The following PCDHGA4 variants were observed in gnomAD, a reference collection of about 807,000 sequenced individuals.
PCDHGA4 encodes the protein protocadherin gamma subfamily A, 4, also known as protocadherin gamma-A4.
In PCDHGA4, 38 loss-of-function variants were observed where a neutral mutation model predicts 54.6. The observed-to-expected ratio is 0.70, with a 90% CI of 0.54 to 0.91. The LOEUF (loss-of-function observed/expected upper bound fraction) is 0.91, where lower values mean the gene tolerates loss of function less well. Among genes scored for constraint, PCDHGA4 ranks in the 40% least tolerant of loss-of-function variants. The pLI is 0.00. For missense variants in PCDHGA4, 1,298 were observed against 1,220.9 expected, an observed-to-expected ratio of 1.06 and a Z score of -0.94; for synonymous variants, 511 against 512.9, an observed-to-expected ratio of 1.00 and a Z score of 0.05.
chr5:141,398,942 G>C (rs748252181), intron 1 of PCDHGA4: 1 of 1,613,766 alleles, frequency 6.2e-7, no homozygotes, highest in Non-Finnish European at 8.5e-7. Context: ...CAAGACGAGG[G>C]CATCAACTCA....
chr5:141,460,278 G>C (rs1380767218), intron 1 of PCDHGA4, among the ~76,000 whole-genome samples: 1 of 151,964 alleles, frequency 6.6e-6, no homozygotes, highest in African/African-American at 2.4e-5. Context: ...TTCTTTTATA[G>C]TTTGTATTTC....
chr5:141,431,256 C>T lies in PCDHGA4; in HGVS notation c.2515-63551C>T. The stretch of plus-strand genomic sequence containing the variant: ...TGGGATCCGGATATCGGGAAGAACT[C>T]TCTGCAGAGCTACGAGCTCAGCCCG... On this transcript the variant is annotated intron_variant, in intron 1 of 3. Transcript: ENST00000571252. This position sits in a 1 kb window ranked among gnomAD's most constrained non-coding sequence, Gnocchi z 4.8. The T allele has an allele frequency of 6.2e-7, 1 of 1,614,194 alleles. No homozygotes were observed. Among genetic ancestry groups the T allele is most frequent in the South Asian group, 1.1e-5 (1 of 91,088 alleles).
intron 1 of PCDHGA4, chr5:141,410,203 C>T: frequency 1.9e-6 from 3 of 1,614,022 alleles, no homozygotes; most frequent in Non-Finnish European, 2.5e-6. Flanking sequence ...TCGCAGACAA[C>T]TTGCAAGAGA....
chr5:141,418,360 G>T (rs544948410), intron 1 of PCDHGA4: 4 of 1,613,990 alleles, frequency 2.5e-6, no homozygotes, highest in Non-Finnish European at 3.4e-6. Flanking sequence ...TGAATTCGCT[G>T]AGCAAATACC....
chr5:141,383,949 G>A (rs538018556), intron 1 of PCDHGA4: 18 of 1,613,702 alleles, frequency 1.1e-5, no homozygotes, highest in Non-Finnish European at 1.3e-5. Flanking sequence ...TGACTATGAC[G>A]TCTTTAAGTA....
chr5:141,372,173 G>T, intron 1 of PCDHGA4: 1 of 1,613,722 alleles, frequency 6.2e-7, no homozygotes, highest in Non-Finnish European at 8.5e-7. Context: ...AGGTGGTGGC[G>T]GTGGACGCAG....
chr5:141,502,577 A>G (rs1260539435), intron 2 of PCDHGA4, among the ~76,000 whole-genome samples: 2 of 152,192 alleles, frequency 1.3e-5, no homozygotes, highest in African/African-American at 4.8e-5. Context: ...TTATAAAAAT[A>G]TATTTTTATA....
chr5:141,360,756 A>C lies in PCDHGA4; in HGVS notation c.2514+3135A>C, dbSNP rs377534214. 274 of 1,614,010 alleles carry C rather than the reference A, an allele frequency of 1.7e-4. No individual in the cohort carries two copies. Among genetic ancestry groups the C allele is most frequent in the Non-Finnish European group, 2.2e-4 (262 of 1,179,904 alleles). On this transcript the variant is annotated intron_variant, in intron 1 of 3. Coordinates refer to ENST00000571252, the MANE Select transcript of PCDHGA4 (RefSeq NM_018917.4). ...CTCTGGACAGAGAAGAGCACAGTTT[A>C]CATCAATTGGTCCTCACAGCTGTGG...
At chr5:141,427,765 T>C (rs1331334394) in intron 1 of PCDHGA4, 3 of 1,387,170 alleles carry the variant, frequency 2.2e-6, no homozygotes, top group Non-Finnish European at 2.0e-6. Context: ...ACCACTGACT[T>C]GGAGCTGCGG....
rs189127761 is a variant in PCDHGA4 at position 141,385,037 on chromosome 5, C to A, written c.2514+27416C>A. Reference sequence around the variant, plus strand: ...CTAGCCTTCGTCCTCGTACTGCTGGCGCTCAGGCTGCGGCGCTGGCACAAG... The same window carrying A: ...CTAGCCTTCGTCCTCGTACTGCTGGAGCTCAGGCTGCGGCGCTGGCACAAG... On this transcript the variant is annotated intron_variant, in intron 1 of 3. Transcript: ENST00000571252. The A allele has an allele frequency of 5.8e-5, 93 of 1,614,148 alleles. No individual in the cohort carries two copies. In the East Asian group the frequency reaches 1.7e-3, roughly 30 times the overall value.
In PCDHGA4 at chr5:141,404,506, C is replaced by T. The variant is rs530963064; in HGVS notation, c.2514+46885C>T. The stretch of plus-strand genomic sequence containing the variant: ...ACACTGGTGTGCTGTATGCTCTGTG[C>T]TCCTTTGACTATGAGCAGTTTAGAG... On this transcript the variant is annotated intron_variant, in intron 1 of 3. Coordinates refer to ENST00000571252, the MANE Select transcript of PCDHGA4 (RefSeq NM_018917.4). 540 of 1,613,932 alleles carry T rather than the reference C, an allele frequency of 3.3e-4. 6 individuals are homozygous for T. In the South Asian group the frequency reaches 5.6e-3, roughly 17 times the overall value.
At chr5:141,505,143 CAG>C (rs1332770308) in intron 2 of PCDHGA4, among the ~76,000 whole-genome samples, 1 of 152,172 alleles carries the variant, frequency 6.6e-6, no homozygotes, top group Non-Finnish European at 1.5e-5. Context: ...GCCTGGATGA[CAG>C]AGTAAGACCC....
intron 2 of PCDHGA4, among the ~76,000 whole-genome samples, chr5:141,502,944 A>G (rs1447378539): frequency 1.4e-5 from 2 of 145,406 alleles, no homozygotes; most frequent in Non-Finnish European, 1.5e-5. Context: ...CCTGGGTTCA[A>G]GCGATTCTCC....
At chr5:141,408,847 G>A in intron 1 of PCDHGA4, 1 of 1,613,498 alleles carries the variant, frequency 6.2e-7, no homozygotes, top group African/African-American at 1.3e-5. Flanking sequence ...TGACTGCCTT[G>A]GACGGAGGGG....
rs1330469043 is a variant in PCDHGA4 at position 141,491,537 on chromosome 5, C to A, written c.2515-3270C>A. On this transcript the variant is annotated intron_variant, in intron 1 of 3. Transcript: ENST00000571252. This position sits in a 1 kb window ranked among gnomAD's most constrained non-coding sequence, Gnocchi z 6.9. ...AAGTACATGGAGGTGACGCTGCGGCCCACAGACTCGCAGAGCCACTGCTAC... is the reference window on the plus strand; with the variant it reads ...AAGTACATGGAGGTGACGCTGCGGCACACAGACTCGCAGAGCCACTGCTAC... The A allele has an allele frequency of 6.2e-7, 1 of 1,613,908 alleles. No homozygotes were observed. Among genetic ancestry groups the A allele is most frequent in the African/African-American group, 1.3e-5 (1 of 74,920 alleles).
In PCDHGA4 at chr5:141,430,969, TAGGACGCA is replaced by T. The variant is rs775497521; in HGVS notation, c.2515-63837_2515-63830del. The T allele has an allele frequency of 7.3e-5, 118 of 1,613,012 alleles. 1 individual carries two copies. The Middle Eastern group carries it at 1.8e-3, about 25-fold the overall frequency. On this transcript the variant is annotated intron_variant, in intron 1 of 3. Transcript: ENST00000571252. ...GCGGAGTCCGCATCATCCCCAGAGG[TAGGACGCA>T]GCTTTTCGCCCTGAATCCGCGCAGC...
At chr5:141,407,243 C>G (rs1191688729) in intron 1 of PCDHGA4, among the ~76,000 whole-genome samples, 1 of 152,168 alleles carries the variant, frequency 6.6e-6, no homozygotes, top group African/African-American at 2.4e-5. Context: ...AAGCATACTT[C>G]AGGCTCATAT....
At chr5:141,386,663 G>A (rs532080624) in intron 1 of PCDHGA4, among the ~76,000 whole-genome samples, 7 of 151,932 alleles carry the variant, frequency 4.6e-5, no homozygotes, top group Non-Finnish European at 1.0e-4. Flanking sequence ...GTTCTGCAGT[G>A]TTCACATTTC....
chr5:141,383,083 C>G, intron 1 of PCDHGA4: 1 of 1,613,852 alleles, frequency 6.2e-7, no homozygotes. Flanking sequence ...GCTGGCGGAG[C>G]GCGGAGTCCG....
Sources: gnomAD v4.1 joint callset for allele counts (sites outside exome capture counted in the v4.1 genomes callset) on GRCh38, gnomAD v4.1.1 for gene constraint, Gnocchi (gnomAD v3.1) non-coding constraint, MANE v1.5 for transcripts, NCBI Gene and HGNC (gene_info 2026-07-23, HGNC 2026-07-21) for gene names.